The following PSMD14 variants were observed in gnomAD, a reference collection of about 807,000 sequenced individuals.
PSMD14 encodes the protein proteasome 26S subunit, non-ATPase 14, also known as ubiquitin C-terminal hydrolase PSMD14.
In PSMD14, 7 loss-of-function variants were observed where a neutral mutation model predicts 41.2. The ratio of observed to expected loss-of-function variants is 0.17; its 90% CI spans 0.10 to 0.32. The LOEUF (loss-of-function observed/expected upper bound fraction) is 0.32. Among genes scored for constraint, PSMD14 ranks in the 10% least tolerant of loss-of-function variants. PSMD14 has a pLI of 1.00. For synonymous variants in PSMD14, 114 were observed against 122.3 expected, an observed-to-expected ratio of 0.93 and a Z score of 0.45; for missense variants, 139 against 375.6, an observed-to-expected ratio of 0.37 and a Z score of 5.21.
chr2:161,323,895 A>G (rs1233059921), intron 3 of PSMD14, among the ~76,000 whole-genome samples: 3 of 151,664 alleles, frequency 2.0e-5, no homozygotes, highest in Non-Finnish European at 4.4e-5. Context: ...TTATTGTATT[A>G]AAAACATATG....
At chr2:161,342,015 A>C (rs2105242545) in intron 3 of PSMD14, among the ~76,000 whole-genome samples, 1 of 151,984 alleles carries the variant, frequency 6.6e-6, no homozygotes, top group East Asian at 1.9e-4. Context: ...TTTGTGATCC[A>C]TTTTGAATTG....
chr2:161,391,016 A>G (rs1479749459), intron 8 of PSMD14, 88 bp from the exon 9 acceptor site: 1 of 1,200,916 alleles, frequency 8.3e-7, no homozygotes, highest in Non-Finnish European at 1.1e-6. Flanking sequence ...TGGTACAGGT[A>G]TTATGTAAGA....
At chr2:161,356,723 TA>T (rs1463410613) in intron 3 of PSMD14, among the ~76,000 whole-genome samples, 1 of 151,458 alleles carries the variant, frequency 6.6e-6, no homozygotes, top group African/African-American at 2.4e-5. Context: ...ATAGCCATTA[TA>T]AAAATAAGCC....
At chr2:161,367,590 T>C in intron 4 of PSMD14, 41 bp downstream of exon 4, 1 of 1,511,830 alleles carries the variant, frequency 6.6e-7, no homozygotes, top group South Asian at 1.2e-5. Context: ...AGAACTCTGT[T>C]GCTTTCACTG....
intron 5 of PSMD14, among the ~76,000 whole-genome samples, chr2:161,369,143 AT>A (rs1011003987): frequency 6.6e-6 from 1 of 152,012 alleles, no homozygotes; most frequent in African/African-American, 2.4e-5. Flanking sequence ...ATGGGTACTT[AT>A]GTAGATACCC....
rs191059030 is a variant in PSMD14, at chr2:161,351,730, G to A, written c.49-15748G>A. On this transcript the variant is annotated intron_variant, in intron 3 of 11. Coordinates refer to ENST00000409682, the MANE Select transcript of PSMD14 (RefSeq NM_005805.6). ...CTCATACTGTATGTCTACATGGGTC[G>A]TCTGGGTGCTCTGTTCCGTGGTATC... is the stretch of plus-strand genomic sequence containing the variant. Among the ~76,000 whole-genome samples, 278 of 152,244 alleles carry A rather than the reference G, an allele frequency of 1.8e-3. 4 individuals carry two copies. Among genetic ancestry groups the A allele is most frequent in the South Asian group, 0.014 (68 of 4,818 alleles).
chr2:161,364,454 G>A (rs950279693), intron 3 of PSMD14, among the ~76,000 whole-genome samples: 10 of 152,204 alleles, frequency 6.6e-5, no homozygotes, highest in East Asian at 3.9e-4. Context: ...GTCCATGAGC[G>A]CAGGCCTGGT....
intron 1 of PSMD14, among the ~76,000 whole-genome samples, chr2:161,316,078 A>G (rs1210616538): frequency 6.6e-6 from 1 of 152,098 alleles, no homozygotes; most frequent in Non-Finnish European, 1.5e-5. Flanking sequence ...TCCTGACCTC[A>G]GGTGATCCGC....
At chr2:161,336,775 C>G (rs980236892) in intron 3 of PSMD14, among the ~76,000 whole-genome samples, 2 of 152,124 alleles carry the variant, frequency 1.3e-5, no homozygotes, top group African/African-American at 4.8e-5. Flanking sequence ...GGAGTTTCAC[C>G]ATGTTGGCCA....
At chr2:161,377,645 A>G (rs1443238646) in intron 7 of PSMD14, among the ~76,000 whole-genome samples, 1 of 151,946 alleles carries the variant, frequency 6.6e-6, no homozygotes, top group East Asian at 1.9e-4. Flanking sequence ...TAGAGCTTCT[A>G]TATTAATAAT....
intron 7 of PSMD14, among the ~76,000 whole-genome samples, chr2:161,380,052 C>T (rs1260993184): frequency 1.3e-5 from 2 of 152,036 alleles, no homozygotes. Context: ...AGCTGGGCAA[C>T]TCCATCAGTG....
chr2:161,357,903 CT>C (rs11412874), intron 3 of PSMD14, among the ~76,000 whole-genome samples: 166 of 146,186 alleles, frequency 1.1e-3, no homozygotes, highest in African/African-American at 2.6e-3. Flanking sequence ...ACTTCCTGTT[CT>C]TTTTTTTTTT....
chr2:161,332,156 C>G (rs1393134446), intron 3 of PSMD14, among the ~76,000 whole-genome samples: 1 of 152,038 alleles, frequency 6.6e-6, no homozygotes, highest in Non-Finnish European at 1.5e-5. Context: ...TTTCTTTATC[C>G]TGACATGTAA....
At chr2:161,322,921 A>G (rs1449107346) in intron 3 of PSMD14, among the ~76,000 whole-genome samples, 1 of 152,102 alleles carries the variant, frequency 6.6e-6, no homozygotes, top group Non-Finnish European at 1.5e-5. Flanking sequence ...TCTCTTTTCC[A>G]AGGCTATTCC....
intron 8 of PSMD14, among the ~76,000 whole-genome samples, chr2:161,388,794 A>G (rs1683666791): frequency 1.3e-5 from 2 of 152,150 alleles, no homozygotes; most frequent in South Asian, 2.1e-4. Context: ...TAGCTTATAT[A>G]TAATCCGTAA....
At chr2:161,319,916 C>T (rs1428256121) in intron 3 of PSMD14, among the ~76,000 whole-genome samples, 5 of 152,006 alleles carry the variant, frequency 3.3e-5, no homozygotes, top group African/African-American at 7.2e-5. Context: ...AGTTGTTTTT[C>T]GTTTACTTTT....
At chr2:161,314,454 C>A (rs553448495) in intron 1 of PSMD14, among the ~76,000 whole-genome samples, 1 of 152,196 alleles carries the variant, frequency 6.6e-6, no homozygotes, top group Non-Finnish European at 1.5e-5. Context: ...TTTGTCCATT[C>A]GCAGTGTGCC....
chr2:161,344,216 T>C (rs1455613771), intron 3 of PSMD14, among the ~76,000 whole-genome samples: 3 of 152,108 alleles, frequency 2.0e-5, no homozygotes, highest in Non-Finnish European at 2.9e-5. Flanking sequence ...ATTTAGTGTC[T>C]TACTTAGTTG....
intron 3 of PSMD14, among the ~76,000 whole-genome samples, chr2:161,334,655 T>A (rs899559321): frequency 6.6e-6 from 1 of 152,266 alleles, no homozygotes; most frequent in African/African-American, 2.4e-5. Flanking sequence ...GATGTGACCA[T>A]GTTGATGGAA....
Sources: allele counts gnomAD v4.1 joint callset (sites outside exome capture counted in the v4.1 genomes callset), GRCh38; gene constraint gnomAD v4.1.1; transcripts MANE v1.5; gene names NCBI Gene and HGNC (gene_info 2026-07-23, HGNC 2026-07-21).